NARF: variants seen among roughly 807,000 people sequenced by gnomAD.
NARF encodes iron-only hydrogenase-like protein 2.
Under a neutral mutation model 48.0 loss-of-function variants are expected in NARF, and 41 were observed. The observed-to-expected ratio is 0.85, with a 90% confidence interval of 0.66 to 1.11. The LOEUF (loss-of-function observed/expected upper bound fraction) is 1.11. Among genes scored for constraint, NARF ranks in the 50% least tolerant of loss-of-function variants. NARF has a pLI of 0.00. For missense variants in NARF, 613 were observed against 590.2 expected, an observed-to-expected ratio of 1.04 and a Z score of -0.40; for synonymous variants, 215 against 225.5, an observed-to-expected ratio of 0.95 and a Z score of 0.42.
chr17:82,465,581 T>C (rs925106794), intron 3 of NARF, among the ~76,000 whole-genome samples: 4 of 152,036 alleles, frequency 2.6e-5, no homozygotes, highest in Non-Finnish European at 5.9e-5. Context: ...TAGATCACAA[T>C]ATTTTTCTTT....
chr17:82,481,129 T>C lies in NARF; in HGVS notation c.687T>C (p.Tyr229=), dbSNP rs1448827392. The change falls in exon 7 of 11, where the codon TAT becomes TAC. Residue 229 remains tyrosine, a synonymous_variant. Coordinates refer to ENST00000309794, the MANE Select transcript of NARF (RefSeq NM_012336.4). ...TCCACGTCATTGTGGCCCCTTGTTATGACAAGAAGCTGGAGGCTCTTCAGG... is the reference window on the plus strand; with the variant it reads ...TCCACGTCATTGTGGCCCCTTGTTACGACAAGAAGCTGGAGGCTCTTCAGG... The part of the protein sequence containing the change: ...KIFHVIVAPC[Y]DKKLEALQES... 4.3e-6 allele frequency: 7 copies of C among 1,614,158 alleles called. No homozygotes were observed. Among genetic ancestry groups the C allele is most frequent in the African/African-American group, 1.3e-5 (1 of 75,042 alleles).
chr17:82,480,362 C>G, intron 6 of NARF: 1 of 401,828 alleles, frequency 2.5e-6, no homozygotes, highest in Non-Finnish European at 4.4e-6. Flanking sequence ...AACAGCTCCA[C>G]GCCGGCTGGA....
chr17:82,460,048 G>C lies in NARF; in HGVS notation c.84G>C (p.Pro28=), dbSNP rs371797405. Reference sequence around the variant, plus strand: ...AAGAGAATGTGTCAGCCGATGCACCGAGTCCAGCCCAGGAAAATGGAGAGG... The same window carrying C: ...AAGAGAATGTGTCAGCCGATGCACCCAGTCCAGCCCAGGAAAATGGAGAGG... ...DDQENVSADA[P]SPAQENGEKG... The change falls in exon 2 of 11, where the codon CCG becomes CCC. Residue 28 remains proline, a synonymous_variant. Transcript: ENST00000309794. 1.9e-6 allele frequency: 3 copies of C among 1,613,940 alleles called. No homozygotes were observed. In the East Asian group the frequency reaches 6.7e-5, roughly 36 times the overall value.
intron 6 of NARF, chr17:82,480,739 C>T: frequency 4.3e-6 from 2 of 467,656 alleles, no homozygotes. Context: ...TGAGACCAGC[C>T]TGGGCAACAC....
Position 82,481,197 on chromosome 17 carries a change from G to A in NARF, c.755G>A (p.Cys252Tyr), listed in dbSNP as rs201056742. 5.5e-5 allele frequency: 89 copies of A among 1,614,018 alleles called. No individual in the cohort carries two copies. Among genetic ancestry groups the A allele is most frequent in the Non-Finnish European group, 6.9e-5 (81 of 1,180,010 alleles). Residue 252 changes from cysteine to tyrosine, a missense_variant, in exon 7 of 11, where the codon TGC becomes TAC. Cys to Tyr is a radical substitution (Grantham distance 194, BLOSUM62 -2). Transcript: ENST00000309794. ...TTGCATGGCTCCCGGGGCGCTGACT[G>A]CGTGTTAACATCAGGTGAGAGGTGG... ...PALHGSRGADCVLTSGEIAQI... is the reference protein window; with the variant it reads ...PALHGSRGADYVLTSGEIAQI...
chr17:82,459,200 G>A, intron 1 of NARF: 1 of 1,044,600 alleles, frequency 9.6e-7, no homozygotes, highest in Non-Finnish European at 1.2e-6. Flanking sequence ...GCCCCTCTGA[G>A]GGTCACCGAG....
At chr17:82,480,906 T>C in intron 6 of NARF, 176 bp from the exon 7 acceptor site, 9 of 791,514 alleles carry the variant, frequency 1.1e-5, no homozygotes, top group South Asian at 1.7e-5. Flanking sequence ...CACTCCAACC[T>C]GGTGACAGAG....
At chr17:82,458,943 C>T (rs2043357334) in intron 1 of NARF, 113 bp downstream of exon 1, 2 of 1,227,748 alleles carry the variant, frequency 1.6e-6, no homozygotes, top group Non-Finnish European at 2.0e-6. Flanking sequence ...CTCTTCAAGG[C>T]GCCCCCGGCC....
chr17:82,485,175 A>C (rs538276458), intron 9 of NARF, among the ~76,000 whole-genome samples: 1 of 152,220 alleles, frequency 6.6e-6, no homozygotes, highest in Non-Finnish European at 1.5e-5. Flanking sequence ...TAATCCCAGC[A>C]CTCTGGGAGG....
rs2043727731 is a variant in NARF, at chr17:82,472,248, C to T, written c.386-316C>T. Reference sequence around the variant, plus strand: ...CTGTAATTCCAGCACTCTGGGAGGCCAAGGTGGGTAGATCACTTGAGGCTA... The same window carrying T: ...CTGTAATTCCAGCACTCTGGGAGGCTAAGGTGGGTAGATCACTTGAGGCTA... On this transcript the variant is annotated intron_variant, in intron 4 of 10. Coordinates refer to ENST00000309794, the MANE Select transcript of NARF (RefSeq NM_012336.4). Among the ~76,000 whole-genome samples the T allele has an allele frequency of 2.0e-5, 3 of 152,048 alleles. No homozygotes were observed. The South Asian group carries it at 6.2e-4, about 32-fold the overall frequency.
chr17:82,480,289 G>GCACA (rs3068087), intron 6 of NARF: 18,734 of 376,704 alleles, frequency 0.05, 256 homozygotes, highest in South Asian at 0.092. Flanking sequence ...GCCAGCGCGC[G>GCACA]CACACACACA....
At chr17:82,475,220 G>T (rs1448722288) in intron 5 of NARF, among the ~76,000 whole-genome samples, 1 of 152,136 alleles carries the variant, frequency 6.6e-6, no homozygotes. Context: ...AGTCACACTT[G>T]CTTAGTTCCA....
chr17:82,479,181 G>GAGT (rs1481725247), intron 6 of NARF: 1 of 309,308 alleles, frequency 3.2e-6, no homozygotes, highest in Non-Finnish European at 6.1e-6. Flanking sequence ...ATTCGGGGTA[G>GAGT]AGTAGAAATG....
intron 4 of NARF, among the ~76,000 whole-genome samples, chr17:82,470,446 C>G (rs2043672554): frequency 6.6e-6 from 1 of 152,050 alleles, no homozygotes; most frequent in Non-Finnish European, 1.5e-5. Flanking sequence ...TAAAATGTAT[C>G]CACAGTAAAA....
chr17:82,478,764 A>G lies in NARF; in HGVS notation c.521-36A>G, dbSNP rs755652180. On this transcript the variant is annotated intron_variant, in intron 5 of 10. Transcript: ENST00000309794. ...GCGTTACAGGAAGACCAGAGGAAGC[A>G]GTAAGGAGCTGACCGTGGATCCCTT... is the stretch of plus-strand genomic sequence containing the variant. The G allele has an allele frequency of 1.4e-5, 22 of 1,580,940 alleles. 1 individual carries two copies. The East Asian group carries it at 4.7e-4, about 34-fold the overall frequency.
At chr17:82,483,995 G>A (rs939962686) in intron 8 of NARF, 2 of 543,400 alleles carry the variant, frequency 3.7e-6, no homozygotes, top group Non-Finnish European at 6.6e-6. Flanking sequence ...AGGTTTGGCG[G>A]GCTTCCATGG....
chr17:82,485,068 A>G (rs905535652), intron 9 of NARF, 118 bp downstream of exon 9: 175 of 1,301,072 alleles, frequency 1.3e-4, no homozygotes, highest in Non-Finnish European at 1.8e-4. Context: ...GTCAAAATCA[A>G]AAGGACTTTT....
chr17:82,481,254 C>G, intron 7 of NARF, 43 bp downstream of exon 7: 1 of 1,609,742 alleles, frequency 6.2e-7, no homozygotes, highest in African/African-American at 1.3e-5. Flanking sequence ...GGGGTAATCT[C>G]CTACTGGCCA....
chr17:82,468,521 G>A (rs890100830), intron 3 of NARF: 44 of 459,806 alleles, frequency 9.6e-5, no homozygotes, highest in African/African-American at 8.8e-4. Context: ...CACCACTGAA[G>A]CCAGCTCATG....
Sources: allele counts gnomAD v4.1 joint callset (sites outside exome capture counted in the v4.1 genomes callset), GRCh38; gene constraint gnomAD v4.1.1; transcripts MANE v1.5; gene names NCBI Gene and HGNC (gene_info 2026-07-23, HGNC 2026-07-21).